PRTG: variants seen among roughly 807,000 people sequenced by gnomAD.
The protein encoded by PRTG is protogenin, also known as immunoglobulin superfamily, DCC subclass, member 5.
In PRTG, 67 loss-of-function variants were observed where a neutral mutation model predicts 122.5. That is an observed-to-expected ratio of 0.55 (90% CI 0.45 to 0.67). The LOEUF (loss-of-function observed/expected upper bound fraction) is 0.67. PRTG is among the 30% of genes least tolerant of loss of function. The pLI, the probability that PRTG is intolerant of heterozygous loss-of-function variation, is 0.00. For synonymous variants in PRTG, 554 were observed against 501.1 expected, an observed-to-expected ratio of 1.11 and a Z score of -1.41; for missense variants, 1,435 against 1,415.4, an observed-to-expected ratio of 1.01 and a Z score of -0.22.
intron 2 of PRTG, among the ~76,000 whole-genome samples, chr15:55,691,657 G>A (rs1198958161): frequency 1.3e-5 from 2 of 151,110 alleles, no homozygotes; most frequent in Non-Finnish European, 2.9e-5. Flanking sequence ...TTCCAGCCTG[G>A]GCAACAGAGC....
chr15:55,722,435 AAC>A (rs2030859883), intron 2 of PRTG, among the ~76,000 whole-genome samples: 1 of 152,336 alleles, frequency 6.6e-6, no homozygotes, highest in African/African-American at 2.4e-5. Context: ...AGTAAGCCTA[AAC>A]ACAGAATTCT....
At chr15:55,708,147 G>GAAAAAAAAAAAAA (rs1567109053) in intron 2 of PRTG, among the ~76,000 whole-genome samples, 1 of 27,944 alleles carries the variant, frequency 3.6e-5, no homozygotes, top group Non-Finnish European at 7.4e-5. Context: ...GAGTAAGCTG[G>GAAAAAAAAAAAAA]TAAAAAAAAA....
At chr15:55,681,600 C>A (rs888342574) in intron 4 of PRTG, 1 of 151,940 alleles carries the variant, frequency 6.6e-6, no homozygotes, top group Non-Finnish European at 1.5e-5. Flanking sequence ...TATTTTTTAA[C>A]TTTTATTTTT....
chr15:55,650,229 A>G (rs1160700503), intron 11 of PRTG, among the ~76,000 whole-genome samples: 1 of 152,154 alleles, frequency 6.6e-6, no homozygotes, highest in Non-Finnish European at 1.5e-5. Flanking sequence ...ATAACAACCT[A>G]TTGGGGAGCT....
chr15:55,681,787 T>C (rs1209974634), intron 4 of PRTG, among the ~76,000 whole-genome samples: 1 of 152,196 alleles, frequency 6.6e-6, no homozygotes, highest in Non-Finnish European at 1.5e-5. Flanking sequence ...ACAATTCTGG[T>C]AGAAACGGAT....
At chr15:55,714,024 C>G (rs2030502031) in intron 2 of PRTG, among the ~76,000 whole-genome samples, 1 of 152,168 alleles carries the variant, frequency 6.6e-6, no homozygotes, top group Non-Finnish European at 1.5e-5. Flanking sequence ...GTACTTAACC[C>G]TGTACATTTC....
chr15:55,658,093 T>TA (rs1314751581), intron 11 of PRTG, among the ~76,000 whole-genome samples: 1 of 152,300 alleles, frequency 6.6e-6, no homozygotes. Flanking sequence ...ATTTCTCTTT[T>TA]AAAACATTCC....
At chr15:55,736,504 T>C (rs933396505) in intron 2 of PRTG, among the ~76,000 whole-genome samples, 38 of 152,074 alleles carry the variant, frequency 2.5e-4, no homozygotes, top group Admixed American at 4.6e-4. Context: ...AAAGAACAGT[T>C]TTTCATGAAT....
At chr15:55,726,302 C>T (rs2031028819) in intron 2 of PRTG, among the ~76,000 whole-genome samples, 1 of 152,158 alleles carries the variant, frequency 6.6e-6, no homozygotes, top group African/African-American at 2.4e-5. Context: ...GTCTCGAACT[C>T]CTGACCTCAG....
At chr15:55,640,316 T>A (rs957014636) in intron 12 of PRTG, among the ~76,000 whole-genome samples, 2 of 152,214 alleles carry the variant, frequency 1.3e-5, no homozygotes, top group Non-Finnish European at 2.9e-5. Context: ...AACAGCAATG[T>A]CATAGGTGAT....
rs532569313 is a variant in PRTG, at chr15:55,664,954, C to A, written c.2041+7491G>T. ...CTTCACGAGGAGTTAGGTGACGTAT[C>A]ACAGAAGTTAAAACTGCATGTTGGC... On this transcript the variant is annotated intron_variant, in intron 11 of 19. Transcript: ENST00000389286. Among the ~76,000 whole-genome samples, 112 of 151,972 alleles carry A rather than the reference C, an allele frequency of 7.4e-4. 1 individual carries two copies. The highest frequency in any genetic ancestry group is 3.4e-3 in the Middle Eastern group (1 of 294).
chr15:55,678,066 T>C, intron 7 of PRTG, 22 bp from the exon 8 acceptor site: 1 of 1,456,460 alleles, frequency 6.9e-7, no homozygotes, highest in Non-Finnish European at 9.5e-7. Flanking sequence ...AAAAAAATTA[T>C]TTCCATGAAA....
intron 2 of PRTG, among the ~76,000 whole-genome samples, chr15:55,730,606 C>T (rs1475802360): frequency 6.6e-6 from 1 of 152,036 alleles, no homozygotes; most frequent in Non-Finnish European, 1.5e-5. Context: ...CAAGACCATC[C>T]TGGCTAACAC....
At chr15:55,738,894 A>C (rs547402161) in intron 2 of PRTG, among the ~76,000 whole-genome samples, 2 of 115,644 alleles carry the variant, frequency 1.7e-5, no homozygotes, top group East Asian at 5.8e-4. Context: ...AGACAGAGGA[A>C]GGAAGGGGGA....
chr15:55,729,398 C>T (rs1432833162), intron 2 of PRTG, among the ~76,000 whole-genome samples: 1 of 151,860 alleles, frequency 6.6e-6, no homozygotes, highest in Non-Finnish European at 1.5e-5. Context: ...ACACAGCTTT[C>T]TTTTTGGGGT....
intron 17 of PRTG, among the ~76,000 whole-genome samples, chr15:55,625,255 T>C (rs1023958253): frequency 3.3e-5 from 5 of 152,180 alleles, no homozygotes; most frequent in Non-Finnish European, 7.3e-5. Flanking sequence ...AGTCAATCCA[T>C]AGATGAGATT....
At chr15:55,679,916 T>C in intron 6 of PRTG, 138 bp downstream of exon 6, 1 of 685,846 alleles carries the variant, frequency 1.5e-6, no homozygotes, top group South Asian at 2.3e-5. Flanking sequence ...ATATTTGTTT[T>C]TTCCTGAAAT....
chr15:55,724,789 C>G (rs180856426), intron 2 of PRTG, among the ~76,000 whole-genome samples: 2 of 151,980 alleles, frequency 1.3e-5, no homozygotes, highest in Non-Finnish European at 2.9e-5. Context: ...AAAAAGAAAA[C>G]CAAGTATAAA....
intron 11 of PRTG, among the ~76,000 whole-genome samples, chr15:55,643,436 C>T (rs1268107079): frequency 6.6e-6 from 1 of 152,146 alleles, no homozygotes; most frequent in African/African-American, 2.4e-5. Context: ...ACCAATGTTT[C>T]TTTTGTTTGT....
Sources: gnomAD v4.1 joint callset for allele counts (sites outside exome capture counted in the v4.1 genomes callset) on GRCh38, gnomAD v4.1.1 for gene constraint, MANE v1.5 for transcripts, NCBI Gene and HGNC (gene_info 2026-07-23, HGNC 2026-07-21) for gene names.